Variants in SLC2A9 observed in about 807,000 individuals in gnomAD.
SLC2A9 encodes solute carrier family 2, facilitated glucose transporter member 9.
SLC2A9 carries 39 observed loss-of-function variants against 50.6 expected under a neutral mutation model. That is an observed-to-expected ratio of 0.77 (90% CI 0.60 to 1.01). SLC2A9 has a LOEUF of 1.01. SLC2A9 is among the 50% of genes least tolerant of loss of function. The pLI is 0.00. For missense variants in SLC2A9, 686 were observed against 677.6 expected (o/e 1.01, Z -0.14); for synonymous variants, 324 against 276.9 (o/e 1.17, Z -1.69).
chr4:9,782,005 G>A, intron 3 of SLC2A9: 2 of 1,433,370 alleles, frequency 1.4e-6, no homozygotes, highest in Non-Finnish European at 1.8e-6. Context: ...ACCGCGCACA[G>A]ACCGCCCCTG....
chr4:9,996,779 A>C lies in SLC2A9; in HGVS notation c.410+2T>G. 6.2e-7 allele frequency: 1 copy of C among 1,613,398 alleles called. No individual in the cohort carries two copies. The highest frequency in any genetic ancestry group is 8.5e-7 in the Non-Finnish European group (1 of 1,179,612). On this transcript the variant is annotated splice_donor_variant, in intron 3 of 11. Coordinates refer to ENST00000264784, the MANE Select transcript of SLC2A9 (RefSeq NM_020041.3). LOFTEE classifies it high-confidence loss of function. ...CCCAGATAGAGACAGCCTCCTACTGACCTCCCAAGAACCTTTCCAATCATC... is the reference window on the plus strand; with the variant it reads ...CCCAGATAGAGACAGCCTCCTACTGCCCTCCCAAGAACCTTTCCAATCATC...
intron 11 of SLC2A9, among the ~76,000 whole-genome samples, chr4:9,830,759 T>C (rs1339391740): frequency 6.6e-6 from 1 of 152,120 alleles, no homozygotes; most frequent in Non-Finnish European, 1.5e-5. Flanking sequence ...CTGGAGAGTG[T>C]TTTTCGCAGG....
At chr4:9,930,263 G>C (rs1212117739) in intron 6 of SLC2A9, among the ~76,000 whole-genome samples, 1 of 152,162 alleles carries the variant, frequency 6.6e-6, no homozygotes, top group Non-Finnish European at 1.5e-5. Context: ...ATCAGAGCAA[G>C]ACGGATATCT....
Position 9,981,027 on chromosome 4 carries a change from G to A in SLC2A9, c.536-290C>T, listed in dbSNP as rs1231460952. On this transcript the variant is annotated intron_variant, in intron 4 of 11. Coordinates refer to ENST00000264784, the MANE Select transcript of SLC2A9 (RefSeq NM_020041.3). ...GACGGTGATGGTGATAACGGTGGTC[G>A]TGATGGTAGTGATGGTGGTGGTGAT... Among the ~76,000 whole-genome samples the A allele has an allele frequency of 4.6e-5, 7 of 152,046 alleles. No homozygotes were observed. The South Asian group carries it at 6.2e-4, about 14-fold the overall frequency.
At chr4:10,008,490 C>T (rs966886814) in intron 2 of SLC2A9, among the ~76,000 whole-genome samples, 6 of 152,206 alleles carry the variant, frequency 3.9e-5, no homozygotes, top group African/African-American at 1.2e-4. Flanking sequence ...ACCTCAGAGG[C>T]CCACATTAGG....
intron 8 of SLC2A9, among the ~76,000 whole-genome samples, chr4:9,899,040 A>AG (rs1306209255): frequency 5.3e-5 from 8 of 152,268 alleles, no homozygotes; most frequent in Admixed American, 2.0e-4. Flanking sequence ...TACATTTTAA[A>AG]GCAACTCTAT....
chr4:9,793,826 C>T (rs1165455907), intron 3 of SLC2A9, among the ~76,000 whole-genome samples: 1 of 152,082 alleles, frequency 6.6e-6, no homozygotes, highest in African/African-American at 2.4e-5. Flanking sequence ...TGCTGCAAGC[C>T]CCTCCTGCAG....
rs138325501 is a variant in SLC2A9, at chr4:9,946,687, G to A, written c.682-4642C>T. Among the ~76,000 whole-genome samples, 309 of 152,282 alleles carry A rather than the reference G, an allele frequency of 2.0e-3. 1 individual carries two copies. Among genetic ancestry groups the A allele is most frequent in the African/African-American group, 6.8e-3 (284 of 41,552 alleles). On this transcript the variant is annotated intron_variant, in intron 5 of 11. Coordinates refer to ENST00000264784, the MANE Select transcript of SLC2A9 (RefSeq NM_020041.3). Reference sequence around the variant, plus strand: ...CTTACATTGATCAAGTGGGCTCCACGTGCCCAGCTCCCTGCTAAGTGTGTT... The same window carrying A: ...CTTACATTGATCAAGTGGGCTCCACATGCCCAGCTCCCTGCTAAGTGTGTT...
At chr4:9,863,151 AT>A (rs772782532) in intron 10 of SLC2A9, among the ~76,000 whole-genome samples, 1 of 151,556 alleles carries the variant, frequency 6.6e-6, no homozygotes, top group African/African-American at 2.4e-5. Context: ...GTGTTCAAAA[AT>A]TTTTTTTGTT....
intron 3 of SLC2A9, among the ~76,000 whole-genome samples, chr4:9,820,757 G>C (rs1724291623): frequency 6.6e-6 from 1 of 152,186 alleles, no homozygotes; most frequent in African/African-American, 2.4e-5. Context: ...TGCTAGTACA[G>C]AGAAATACAA....
chr4:9,855,140 T>C (rs1730536234), intron 10 of SLC2A9, among the ~76,000 whole-genome samples: 1 of 152,136 alleles, frequency 6.6e-6, no homozygotes, highest in East Asian at 1.9e-4. Flanking sequence ...AAATAAAAGA[T>C]GTCCAAATAG....
chr4:9,985,638 C>T (rs543415810), intron 4 of SLC2A9, 31 bp downstream of exon 4: 1 of 1,613,774 alleles, frequency 6.2e-7, no homozygotes, highest in Admixed American at 1.7e-5. Context: ...GAGTATGTTA[C>T]TGTTCCCTCC....
At chr4:9,893,342 T>A (rs1737890115) in intron 8 of SLC2A9, among the ~76,000 whole-genome samples, 1 of 152,078 alleles carries the variant, frequency 6.6e-6, no homozygotes, top group Admixed American at 6.5e-5. Flanking sequence ...GCGTAAGTGT[T>A]TGCTGAGGGA....
intron 6 of SLC2A9, among the ~76,000 whole-genome samples, chr4:9,925,323 A>T (rs1449446287): frequency 6.6e-6 from 1 of 151,828 alleles, no homozygotes; most frequent in Non-Finnish European, 1.5e-5. Context: ...TCGCTCTTGC[A>T]CCTGTGTCTG....
intron 3 of SLC2A9, among the ~76,000 whole-genome samples, chr4:9,992,704 T>C (rs1757924176): frequency 6.6e-6 from 1 of 152,220 alleles, no homozygotes; most frequent in Admixed American, 6.5e-5. Flanking sequence ...CAGATTTGGA[T>C]TTTTTAAAAG....
chr4:10,004,407 G>A (rs888428177), intron 2 of SLC2A9, among the ~76,000 whole-genome samples: 15 of 152,152 alleles, frequency 9.9e-5, no homozygotes, highest in Non-Finnish European at 5.9e-5. Context: ...TCTCAAGCAA[G>A]GAGTGTAAGT....
downstream of SLC2A9, among the ~76,000 whole-genome samples, chr4:9,777,711 A>T (rs1717753367): frequency 6.6e-6 from 1 of 152,174 alleles, no homozygotes; most frequent in Non-Finnish European, 1.5e-5. Context: ...CATGAACAAG[A>T]CACAATTTCT....
At chr4:9,843,066 C>A (rs893113334) in intron 10 of SLC2A9, among the ~76,000 whole-genome samples, 5 of 152,128 alleles carry the variant, frequency 3.3e-5, no homozygotes, top group Non-Finnish European at 7.3e-5. Context: ...TATTTATCCA[C>A]CATGTCTCAT....
intron 3 of SLC2A9, among the ~76,000 whole-genome samples, chr4:9,801,069 G>C (rs991253042): frequency 3.3e-5 from 5 of 152,024 alleles, no homozygotes; most frequent in Admixed American, 1.3e-4. Flanking sequence ...TGGAAACCCT[G>C]CTTCTACCAC....
Sources: gnomAD v4.1 joint callset for allele counts (sites outside exome capture counted in the v4.1 genomes callset) on GRCh38, gnomAD v4.1.1 for gene constraint, MANE v1.5 for transcripts, NCBI Gene and HGNC (gene_info 2026-07-23, HGNC 2026-07-21) for gene names.